The following CSMD1 variants were observed in gnomAD, a reference collection of about 807,000 sequenced individuals.
CSMD1 encodes CUB and Sushi multiple domains 1.
Under a neutral mutation model 417.5 loss-of-function variants are expected in CSMD1, and 213 were observed. The ratio of observed to expected loss-of-function variants is 0.51; its 90% CI spans 0.46 to 0.57. The LOEUF (loss-of-function observed/expected upper bound fraction) is 0.57, where lower values mean the gene tolerates loss of function less well. Among genes scored for constraint, CSMD1 ranks in the 20% least tolerant of loss-of-function variants. The pLI is 0.00. For missense variants in CSMD1, 6,923 were observed against 4,529.7 expected, an observed-to-expected ratio of 1.53 and a Z score of -15.17; for synonymous variants, 2,862 against 1,736.8, an observed-to-expected ratio of 1.65 and a Z score of -16.11.
rs1394489 is a variant in CSMD1, at chr8:4,299,241, C to A, written c.415+120712G>T. On this transcript the variant is annotated intron_variant, in intron 3 of 69. Coordinates refer to ENST00000635120, the MANE Select transcript of CSMD1 (RefSeq NM_033225.6). ...TAAGTCATCAGAATAAAATAAGACA[C>A]TGTAAATATTTAAATTTAAAACCGT... 3.9e-5 allele frequency among the ~76,000 whole-genome samples: 6 copies of A among 151,952 alleles called. No individual in the cohort carries two copies. The East Asian group carries it at 9.6e-4, about 24-fold the overall frequency.
At chr8:3,983,366 G>A (rs1326582193) in intron 5 of CSMD1, among the ~76,000 whole-genome samples, 1 of 151,950 alleles carries the variant, frequency 6.6e-6, no homozygotes, top group Admixed American at 6.6e-5. Context: ...TCCTGACCTC[G>A]TGATCCCTCT....
intron 25 of CSMD1, among the ~76,000 whole-genome samples, chr8:3,306,506 T>C (rs1216344668): frequency 2.0e-5 from 3 of 152,116 alleles, no homozygotes; most frequent in Non-Finnish European, 4.4e-5. Context: ...CACGTATGTG[T>C]AGGAGGAGCT....
chr8:4,785,296 G>C (rs1015242331), intron 1 of CSMD1, among the ~76,000 whole-genome samples: 2 of 152,114 alleles, frequency 1.3e-5, no homozygotes, highest in African/African-American at 2.4e-5. Flanking sequence ...GGCACATTGG[G>C]CAAGTTACTG....
chr8:4,944,109 C>G (rs1021225084), intron 1 of CSMD1, among the ~76,000 whole-genome samples: 13 of 152,092 alleles, frequency 8.5e-5, no homozygotes, highest in Non-Finnish European at 1.6e-4. Context: ...AAGGCAGATT[C>G]AAGTCTAAAT....
chr8:4,173,147 C>T (rs554621671), intron 3 of CSMD1, among the ~76,000 whole-genome samples: 12 of 152,170 alleles, frequency 7.9e-5, no homozygotes, highest in African/African-American at 2.9e-4. Context: ...TATAGGGTTG[C>T]TAGATTGATT....
intron 3 of CSMD1, among the ~76,000 whole-genome samples, chr8:4,092,272 C>T (rs544723014): frequency 1.3e-5 from 2 of 152,188 alleles, no homozygotes; most frequent in African/African-American, 2.4e-5. Flanking sequence ...TTGTTCCAAC[C>T]AACTGAGTAT....
intron 25 of CSMD1, among the ~76,000 whole-genome samples, chr8:3,285,701 G>C (rs993267131): frequency 6.6e-6 from 1 of 151,772 alleles, no homozygotes; most frequent in East Asian, 1.9e-4. Flanking sequence ...GCCCAGACCA[G>C]AACTTTTTAT....
intron 41 of CSMD1, among the ~76,000 whole-genome samples, chr8:3,139,214 G>C (rs1165250297): frequency 3.3e-5 from 5 of 152,182 alleles, no homozygotes; most frequent in Non-Finnish European, 5.9e-5. Context: ...ACAGGCACAA[G>C]AGTTATCAGC....
chr8:3,762,788 C>G (rs1798083355), intron 5 of CSMD1, among the ~76,000 whole-genome samples: 1 of 152,146 alleles, frequency 6.6e-6, no homozygotes, highest in Admixed American at 6.5e-5. Flanking sequence ...AGCTGCTGAC[C>G]CTGAAGGCAA....
intron 3 of CSMD1, among the ~76,000 whole-genome samples, chr8:4,277,935 A>G (rs1001266564): frequency 6.6e-6 from 1 of 152,024 alleles, no homozygotes; most frequent in Non-Finnish European, 1.5e-5. Context: ...TTTTTAGTGG[A>G]GACAGGATTT....
chr8:3,941,902 G>A (rs79783192), intron 5 of CSMD1, among the ~76,000 whole-genome samples: 2,604 of 152,110 alleles, frequency 0.017, 90 homozygotes, highest in African/African-American at 0.059. Flanking sequence ...TTAGGAATTG[G>A]GCCATACAGC....
chr8:4,289,686 A>T (rs73500678), intron 3 of CSMD1, among the ~76,000 whole-genome samples: 1 of 152,166 alleles, frequency 6.6e-6, no homozygotes, highest in African/African-American at 2.4e-5. Flanking sequence ...GACATGAGCA[A>T]AACTTTCAGC....
chr8:3,980,766 C>T (rs1218756337), intron 5 of CSMD1, among the ~76,000 whole-genome samples: 1 of 152,170 alleles, frequency 6.6e-6, no homozygotes, highest in Non-Finnish European at 1.5e-5. Context: ...ATTTCTGCTG[C>T]AGGCGACATT....
chr8:3,968,452 T>G lies in CSMD1; in HGVS notation c.818+29451A>C, dbSNP rs555776928. Among the ~76,000 whole-genome samples, 7 of 152,284 alleles carry G rather than the reference T, an allele frequency of 4.6e-5. No individual in the cohort carries two copies. In the South Asian group the frequency reaches 1.5e-3, roughly 32 times the overall value. On this transcript the variant is annotated intron_variant, in intron 5 of 69. Transcript: ENST00000635120. ...ACACACTCAGCAACCCACACAATGC[T>G]TTTCTCTTTAAGAATCTTTTTAGTT...
At chr8:4,463,610 AC>A (rs1799974162) in intron 2 of CSMD1, among the ~76,000 whole-genome samples, 1 of 152,198 alleles carries the variant, frequency 6.6e-6, no homozygotes, top group Admixed American at 6.6e-5. Flanking sequence ...CCACAACCTG[AC>A]AAACCTTGAA....
chr8:3,277,158 A>T (rs1041490471), intron 26 of CSMD1, among the ~76,000 whole-genome samples: 2 of 152,050 alleles, frequency 1.3e-5, no homozygotes, highest in African/African-American at 4.8e-5. Flanking sequence ...GCCAGAGTGG[A>T]GGATGGTGAT....
chr8:4,176,307 A>G lies in CSMD1; in HGVS notation c.416-144208T>C, dbSNP rs1348317143. Reference sequence around the variant, plus strand: ...AAATTCTATAGCAAGTGTCCATCTTATCTATATTGTTTGCTGACGTCAACC... The same window carrying G: ...AAATTCTATAGCAAGTGTCCATCTTGTCTATATTGTTTGCTGACGTCAACC... On this transcript the variant is annotated intron_variant, in intron 3 of 69. Transcript: ENST00000635120. Among the ~76,000 whole-genome samples, 6 of 152,124 alleles carry G rather than the reference A, an allele frequency of 3.9e-5. 1 individual carries two copies. In the South Asian group the frequency reaches 1.0e-3, roughly 26 times the overall value.
chr8:3,441,492 CATAT>C (rs377759438), intron 12 of CSMD1, among the ~76,000 whole-genome samples: 2 of 143,958 alleles, frequency 1.4e-5, no homozygotes, highest in African/African-American at 5.1e-5. Flanking sequence ...CATATAATTT[CATAT>C]ATATATATAT....
chr8:3,309,517 G>A (rs952206739), intron 23 of CSMD1, among the ~76,000 whole-genome samples: 4 of 151,582 alleles, frequency 2.6e-5, no homozygotes, highest in African/African-American at 9.8e-5. Flanking sequence ...AGTACTGAGA[G>A]CTGTATATTC....
Sources: allele counts gnomAD v4.1 joint callset (sites outside exome capture counted in the v4.1 genomes callset), GRCh38; gene constraint gnomAD v4.1.1; transcripts MANE v1.5; gene names NCBI Gene and HGNC (gene_info 2026-07-23, HGNC 2026-07-21).